KCNIP1: variants seen among roughly 807,000 people sequenced by gnomAD.
The protein encoded by KCNIP1 is A-type potassium channel modulatory protein KCNIP1.
Under a neutral mutation model 33.0 loss-of-function variants are expected in KCNIP1, and 18 were observed. The ratio of observed to expected loss-of-function variants is 0.55; its 90% CI spans 0.38 to 0.81. The LOEUF (loss-of-function observed/expected upper bound fraction) is 0.81. KCNIP1 is among the 30% of genes least tolerant of loss of function. The probability of loss-of-function intolerance (pLI) is 0.00; values close to 1 mark genes in which losing one functional copy is unlikely to be tolerated. For missense variants in KCNIP1, 238 were observed against 271.6 expected, an observed-to-expected ratio of 0.88 and a Z score of 0.87; for synonymous variants, 93 against 98.3, an observed-to-expected ratio of 0.95 and a Z score of 0.32.
At chr5:170,710,531 C>T (rs894104828) in intron 1 of KCNIP1, among the ~76,000 whole-genome samples, 1 of 152,114 alleles carries the variant, frequency 6.6e-6, no homozygotes, top group Admixed American at 6.6e-5. Flanking sequence ...CTGAAGGGTG[C>T]ACATTGGAAT....
chr5:170,587,639 A>T (rs1428708215), intron 1 of KCNIP1, among the ~76,000 whole-genome samples: 1 of 152,050 alleles, frequency 6.6e-6, no homozygotes, highest in Non-Finnish European at 1.5e-5. Flanking sequence ...TGTCCTAAGC[A>T]CATCCCTCCA....
At chr5:170,356,261 A>T (rs1235122565) in intron 1 of KCNIP1, among the ~76,000 whole-genome samples, 2 of 152,250 alleles carry the variant, frequency 1.3e-5, no homozygotes, top group African/African-American at 2.4e-5. Flanking sequence ...GCAGTAATCC[A>T]ACCCTCAGGA....
At chr5:170,472,043 C>T (rs1442749858) in intron 1 of KCNIP1, among the ~76,000 whole-genome samples, 1 of 152,160 alleles carries the variant, frequency 6.6e-6, no homozygotes, top group African/African-American at 2.4e-5. Flanking sequence ...CTGACCCTTC[C>T]TCTGCCGGCC....
At chr5:170,426,958 G>A (rs556579386) in intron 1 of KCNIP1, among the ~76,000 whole-genome samples, 16 of 152,256 alleles carry the variant, frequency 1.1e-4, no homozygotes, top group Admixed American at 3.3e-4. Context: ...GGGAAGAGGC[G>A]CGGCCGCAGG....
chr5:170,623,193 G>A (rs1759674521), intron 1 of KCNIP1, among the ~76,000 whole-genome samples: 1 of 150,888 alleles, frequency 6.6e-6, no homozygotes, highest in South Asian at 2.1e-4. Flanking sequence ...GTGGCCCAGG[G>A]GATTGGCGAC....
At chr5:170,407,614 C>T (rs1755070747) in intron 1 of KCNIP1, among the ~76,000 whole-genome samples, 1 of 152,078 alleles carries the variant, frequency 6.6e-6, no homozygotes, top group South Asian at 2.1e-4. Flanking sequence ...AAAGCATTGC[C>T]CTACAGTATT....
intron 1 of KCNIP1, among the ~76,000 whole-genome samples, chr5:170,682,623 T>C (rs1406329237): frequency 6.6e-6 from 1 of 152,090 alleles, no homozygotes; most frequent in Non-Finnish European, 1.5e-5. Flanking sequence ...GATGTGCTTT[T>C]CTGAAGATCC....
intron 1 of KCNIP1, among the ~76,000 whole-genome samples, chr5:170,632,280 C>T (rs1434419171): frequency 6.6e-6 from 1 of 152,218 alleles, no homozygotes; most frequent in East Asian, 1.9e-4. Context: ...AAGCCCTGTC[C>T]CACCAACGCC....
intron 1 of KCNIP1, among the ~76,000 whole-genome samples, chr5:170,458,005 T>C (rs1756425024): frequency 2.6e-5 from 4 of 151,924 alleles, no homozygotes; most frequent in Admixed American, 2.6e-4. Context: ...TAAAAAACAA[T>C]CAAAACTTCA....
At chr5:170,552,547 G>C (rs1756687127) in intron 1 of KCNIP1, among the ~76,000 whole-genome samples, 1 of 152,130 alleles carries the variant, frequency 6.6e-6, no homozygotes, top group South Asian at 2.1e-4. Context: ...TTGTGTTCGG[G>C]CTTCCATAAC....
chr5:170,440,887 G>A (rs1755972509), intron 1 of KCNIP1, among the ~76,000 whole-genome samples: 1 of 152,174 alleles, frequency 6.6e-6, no homozygotes, highest in Non-Finnish European at 1.5e-5. Context: ...ACAGCATGGA[G>A]GACCCAGGAG....
At position 170,489,257 on chromosome 5, in the gene KCNIP1, G is replaced by A. The variant is rs1274010446; in HGVS notation, c.88+135293G>A. On this transcript the variant is annotated intron_variant, in intron 1 of 7. Coordinates refer to the KCNIP1 transcript ENST00000377360. This position sits in a 1 kb window ranked among gnomAD's most constrained non-coding sequence, Gnocchi z 4.3. ...CCCAAAAGATGGAGGACTGCTGGCAGAAACAGACAGAAATTTCCCTTGAGA... is the reference window on the plus strand; with the variant it reads ...CCCAAAAGATGGAGGACTGCTGGCAAAAACAGACAGAAATTTCCCTTGAGA... Among the ~76,000 whole-genome samples, 3 of 152,238 alleles carry A rather than the reference G, an allele frequency of 2.0e-5. No individual in the cohort carries two copies. The highest frequency in any genetic ancestry group is 4.4e-5 in the Non-Finnish European group (3 of 68,044).
intron 1 of KCNIP1, among the ~76,000 whole-genome samples, chr5:170,613,088 C>A (rs1302247377): frequency 6.6e-6 from 1 of 152,230 alleles, no homozygotes; most frequent in African/African-American, 2.4e-5. Context: ...AAGCTGATCC[C>A]TTTGTTCCCA....
At chr5:170,629,966 G>C (rs1052834077) in intron 1 of KCNIP1, among the ~76,000 whole-genome samples, 14 of 152,378 alleles carry the variant, frequency 9.2e-5, no homozygotes, top group Non-Finnish European at 1.6e-4. Flanking sequence ...AGGCGGGCAA[G>C]GCAGGCAAGT....
chr5:170,522,708 A>G (rs1413387701), intron 1 of KCNIP1, among the ~76,000 whole-genome samples: 4 of 152,226 alleles, frequency 2.6e-5, no homozygotes, highest in African/African-American at 7.2e-5. Flanking sequence ...GGCCAGCCCA[A>G]TGGCATTTGG....
chr5:170,674,382 C>T (rs115535966), intron 1 of KCNIP1, among the ~76,000 whole-genome samples: 2,677 of 152,274 alleles, frequency 0.018, 26 homozygotes, highest in Middle Eastern at 0.034. Flanking sequence ...TTGCAAATGG[C>T]TTTCCATTGA....
chr5:170,460,870 C>G (rs545994091), intron 1 of KCNIP1, among the ~76,000 whole-genome samples: 3 of 152,204 alleles, frequency 2.0e-5, no homozygotes, highest in Admixed American at 6.5e-5. Flanking sequence ...CAAACTGTCA[C>G]TGTTTGCTGA....
At chr5:170,511,271 G>A (rs1754922854) in intron 1 of KCNIP1, among the ~76,000 whole-genome samples, 1 of 152,214 alleles carries the variant, frequency 6.6e-6, no homozygotes, top group Admixed American at 6.5e-5. Context: ...CCACGTGAGG[G>A]CCAAGAAGGA....
intron 1 of KCNIP1, among the ~76,000 whole-genome samples, chr5:170,569,096 C>T (rs1757305225): frequency 6.6e-6 from 1 of 152,210 alleles, no homozygotes; most frequent in African/African-American, 2.4e-5. Flanking sequence ...CCAAGTGCTG[C>T]CCCCTGAAAC....
Sources: gnomAD v4.1 joint callset for allele counts (sites outside exome capture counted in the v4.1 genomes callset) on GRCh38, gnomAD v4.1.1 for gene constraint, Gnocchi (gnomAD v3.1) non-coding constraint, MANE v1.5 for transcripts, NCBI Gene and HGNC (gene_info 2026-07-23, HGNC 2026-07-21) for gene names.